The following CACNB2 variants were observed in gnomAD, a reference collection of about 807,000 sequenced individuals.
CACNB2 encodes voltage-dependent L-type calcium channel subunit beta-2.
CACNB2 carries 42 observed loss-of-function variants against 73.3 expected under a neutral mutation model. The ratio of observed to expected loss-of-function variants is 0.57; its 90% confidence interval spans 0.45 to 0.74. The LOEUF (loss-of-function observed/expected upper bound fraction) is 0.74, where lower values mean the gene tolerates loss of function less well. Among genes scored for constraint, CACNB2 ranks in the 30% least tolerant of loss-of-function variants. CACNB2 has a pLI of 0.00. For missense variants in CACNB2, 940 were observed against 853.0 expected (o/e 1.10, Z -1.27); for synonymous variants, 348 against 310.3 (o/e 1.12, Z -1.28).
chr10:18,539,812 C>T lies in CACNB2; in HGVS notation c.*88C>T. The stretch of plus-strand genomic sequence containing the variant: ...CAAAACAAAGTCTTTGGGGTCTACA[C>T]TGCAATCATATGTGATCTGTCTTGT... On this transcript the variant is annotated 3_prime_UTR_variant, in exon 14 of 14. Transcript: ENST00000324631. 1 of 1,305,884 alleles carries T rather than the reference C, an allele frequency of 7.7e-7. No homozygotes were observed. The highest frequency in any genetic ancestry group is 1.9e-4 in the Middle Eastern group (1 of 5,186). The allele number at this position is 1,305,884 out of a possible 1,614,324, so 80.9% of individuals were successfully genotyped here.
At chr10:18,173,043 A>G (rs577372705) in intron 2 of CACNB2, among the ~76,000 whole-genome samples, 4 of 150,018 alleles carry the variant, frequency 2.7e-5, no homozygotes, top group African/African-American at 4.9e-5. Flanking sequence ...GCCTCAGCCT[A>G]CCGAGTAGCT....
At chr10:18,519,746 G>A (rs1480839708) in intron 9 of CACNB2, 2 of 455,224 alleles carry the variant, frequency 4.4e-6, no homozygotes, top group Non-Finnish European at 8.8e-6. Flanking sequence ...TGAGTGTACT[G>A]GCTTTCCTTC....
intron 2 of CACNB2, among the ~76,000 whole-genome samples, chr10:18,319,580 A>T (rs919962911): frequency 2.6e-5 from 4 of 152,188 alleles, no homozygotes; most frequent in Non-Finnish European, 5.9e-5. Flanking sequence ...AAACGTGTAC[A>T]TTCTGCACAT....
chr10:18,488,259 AG>A (rs1296785644), intron 3 of CACNB2, among the ~76,000 whole-genome samples: 1 of 151,296 alleles, frequency 6.6e-6, no homozygotes, highest in African/African-American at 2.4e-5. Flanking sequence ...GCGGATCACG[AG>A]GTCAGGAGAT....
At chr10:18,289,206 C>T (rs2038939718) in intron 2 of CACNB2, among the ~76,000 whole-genome samples, 1 of 151,770 alleles carries the variant, frequency 6.6e-6, no homozygotes. Context: ...CTGCCTCTAC[C>T]CCCGACCCCC....
At chr10:18,319,480 G>C (rs566922009) in intron 2 of CACNB2, among the ~76,000 whole-genome samples, 1 of 152,150 alleles carries the variant, frequency 6.6e-6, no homozygotes, top group Non-Finnish European at 1.5e-5. Context: ...ATGGCATTAG[G>C]ACAAATGCCT....
At chr10:18,315,526 A>AAAAAAC (rs1554791257) in intron 2 of CACNB2, among the ~76,000 whole-genome samples, 2 of 121,824 alleles carry the variant, frequency 1.6e-5, no homozygotes, top group African/African-American at 3.1e-5. Flanking sequence ...AAAAAAAAAA[A>AAAAAAC]AACTTTTTTT....
chr10:18,475,239 G>A (rs2048381498), intron 3 of CACNB2, among the ~76,000 whole-genome samples: 1 of 151,902 alleles, frequency 6.6e-6, no homozygotes, highest in Non-Finnish European at 1.5e-5. Flanking sequence ...TGGAAGCTTT[G>A]TTACTTAGGC....
intron 3 of CACNB2, among the ~76,000 whole-genome samples, chr10:18,497,782 T>C (rs904850397): frequency 3.3e-5 from 5 of 152,182 alleles, no homozygotes; most frequent in African/African-American, 1.2e-4. Context: ...TTAATATCTT[T>C]AGTAGCTGAA....
intron 2 of CACNB2, chr10:18,260,972 C>G (rs2037509905): frequency 1.5e-6 from 2 of 1,332,080 alleles, no homozygotes; most frequent in Non-Finnish European, 1.9e-6. Flanking sequence ...ATACTTACTT[C>G]CGGAAAATTA....
intron 3 of CACNB2, among the ~76,000 whole-genome samples, chr10:18,452,975 C>T (rs1433322234): frequency 2.6e-5 from 4 of 152,148 alleles, no homozygotes; most frequent in East Asian, 1.9e-4. Flanking sequence ...ATCTCATCTC[C>T]GCTGACATCA....
intron 2 of CACNB2, among the ~76,000 whole-genome samples, chr10:18,221,741 CT>C (rs1191303408): frequency 6.6e-6 from 1 of 152,102 alleles, no homozygotes; most frequent in African/African-American, 2.4e-5. Flanking sequence ...TTTAAAAGAC[CT>C]TTATAAATTC....
At chr10:18,335,861 G>A (rs1304292489) in intron 2 of CACNB2, among the ~76,000 whole-genome samples, 2 of 150,860 alleles carry the variant, frequency 1.3e-5, no homozygotes, top group African/African-American at 4.9e-5. Context: ...AAAATTTACA[G>A]AAGCTTGGAA....
At chr10:18,308,500 C>T (rs1394840705) in intron 2 of CACNB2, among the ~76,000 whole-genome samples, 1 of 152,178 alleles carries the variant, frequency 6.6e-6, no homozygotes, top group South Asian at 2.1e-4. Flanking sequence ...TCTGTGTTCC[C>T]ATTGTAGTGT....
intron 3 of CACNB2, among the ~76,000 whole-genome samples, chr10:18,411,227 A>G (rs887162645): frequency 6.6e-6 from 1 of 151,574 alleles, no homozygotes; most frequent in Non-Finnish European, 1.5e-5. Context: ...TTGTTCAAAT[A>G]CGCATTAGCT....
At chr10:18,492,639 GAAA>G (rs1183474966) in intron 3 of CACNB2, among the ~76,000 whole-genome samples, 2 of 99,206 alleles carry the variant, frequency 2.0e-5, no homozygotes, top group East Asian at 3.2e-4. Context: ...AAAAAAAAAA[GAAA>G]AAAAGAAAAG....
intron 2 of CACNB2, among the ~76,000 whole-genome samples, chr10:18,248,473 A>G (rs571639892): frequency 1.3e-5 from 2 of 149,640 alleles, no homozygotes; most frequent in Non-Finnish European, 3.0e-5. Flanking sequence ...TAAATTTGAG[A>G]AGAACTTTTT....
chr10:18,512,954 G>A (rs1460062928), intron 6 of CACNB2, among the ~76,000 whole-genome samples: 1 of 152,170 alleles, frequency 6.6e-6, no homozygotes. Context: ...GGCCCTTTTT[G>A]TTGACCGACG....
chr10:18,502,014 A>G (rs1223205418), intron 5 of CACNB2, among the ~76,000 whole-genome samples: 4 of 152,238 alleles, frequency 2.6e-5, no homozygotes, highest in Non-Finnish European at 4.4e-5. Context: ...ATGCATAAAA[A>G]AGAACAAAGA....
Sources: allele counts gnomAD v4.1 joint callset (sites outside exome capture counted in the v4.1 genomes callset), GRCh38; gene constraint gnomAD v4.1.1; transcripts MANE v1.5; gene names NCBI Gene and HGNC (gene_info 2026-07-23, HGNC 2026-07-21).